ZFHX3: variants seen among roughly 807,000 people sequenced by gnomAD.
ZFHX3 encodes zinc finger homeobox protein 3.
Under a neutral mutation model 279.1 loss-of-function variants are expected in ZFHX3, and 42 were observed. The ratio of observed to expected loss-of-function variants is 0.15; its 90% CI spans 0.12 to 0.19. The LOEUF (loss-of-function observed/expected upper bound fraction) is 0.19. Ranked by LOEUF, ZFHX3 falls within the 10% of genes least tolerant of loss-of-function variation. The pLI, the probability that ZFHX3 is intolerant of heterozygous loss-of-function variation, is 1.00. For synonymous variants in ZFHX3, 2,293 were observed against 1,957.8 expected (o/e 1.17, Z -4.52); for missense variants, 4,981 against 4,754.0 (o/e 1.05, Z -1.40).
chr16:73,160,772 C>CT (rs200196890), intron 5 of ZFHX3, among the ~76,000 whole-genome samples: 6,855 of 127,938 alleles, frequency 0.054, 488 homozygotes, highest in African/African-American at 0.16. Flanking sequence ...CTTTTCTCTT[C>CT]TTTTTTTTTT....
chr16:73,073,380 C>G (rs1159877062), intron 8 of ZFHX3, among the ~76,000 whole-genome samples: 1 of 152,228 alleles, frequency 6.6e-6, no homozygotes, highest in African/African-American at 2.4e-5. Context: ...CCAGGATCAA[C>G]AGGATCTAAA....
At chr16:73,062,123 TC>T (rs1379419399), upstream of ZFHX3, 1 of 152,200 alleles carries the variant, frequency 6.6e-6, no homozygotes, top group Admixed American at 6.5e-5. Context: ...TCTAAATCTT[TC>T]ATTTAGCTGG....
Position 72,796,201 on chromosome 16 carries a change from G to A in ZFHX3, c.6481C>T (p.Arg2161Trp), listed in dbSNP as rs549883293. ...RITDDQLRVL[R>W]QYFDINNSPS... ...GAGTTGTTAATGTCAAAATATTGCCGCAAGACTCGGAGCTGATCATCTGTG... is the reference window on the plus strand; with the variant it reads ...GAGTTGTTAATGTCAAAATATTGCCACAAGACTCGGAGCTGATCATCTGTG... The change falls in exon 9 of 10, where the codon CGG becomes TGG. Residue 2161 changes from arginine to tryptophan, a missense_variant. Coordinates refer to ENST00000268489, the MANE Select transcript of ZFHX3 (RefSeq NM_006885.4). The A allele has an allele frequency of 6.2e-6, 10 of 1,613,884 alleles. No individual in the cohort carries two copies. Among genetic ancestry groups the A allele is most frequent in the African/African-American group, 1.3e-5 (1 of 74,850 alleles).
chr16:73,558,684 C>T (rs188981059), intron 2 of ZFHX3, among the ~76,000 whole-genome samples: 4 of 151,254 alleles, frequency 2.6e-5, no homozygotes, highest in African/African-American at 2.4e-5. Context: ...TCCCCCCACA[C>T]GCACATACAC....
chr16:73,884,459 A>G (rs2030281630), intron 1 of ZFHX3, among the ~76,000 whole-genome samples: 1 of 152,238 alleles, frequency 6.6e-6, no homozygotes, highest in Non-Finnish European at 1.5e-5. Context: ...AGGCCATGCC[A>G]TATGACTTGG....
At chr16:73,824,398 ATG>A (rs1447949307) in intron 1 of ZFHX3, among the ~76,000 whole-genome samples, 94 of 134,884 alleles carry the variant, frequency 7.0e-4, no homozygotes, top group African/African-American at 2.6e-3. Flanking sequence ...TTTTTTTTTA[ATG>A]TTTTTTTTTT....
intron 5 of ZFHX3, among the ~76,000 whole-genome samples, chr16:73,247,854 G>A (rs1181315571): frequency 6.6e-6 from 1 of 152,104 alleles, no homozygotes; most frequent in Non-Finnish European, 1.5e-5. Context: ...CTGTGTCTAT[G>A]TGCCTGTATG....
chr16:73,555,623 G>C (rs1302996191), intron 2 of ZFHX3, among the ~76,000 whole-genome samples: 1 of 151,814 alleles, frequency 6.6e-6, no homozygotes, highest in Non-Finnish European at 1.5e-5. Context: ...TTGAGGCCAG[G>C]AGTTCAAAAC....
chr16:72,869,378 G>A (rs906256448), intron 4 of ZFHX3, among the ~76,000 whole-genome samples: 2 of 100,808 alleles, frequency 2.0e-5, no homozygotes, highest in Non-Finnish European at 4.5e-5. Flanking sequence ...GAGAGCTAAA[G>A]GTGTTTTTTT....
chr16:73,694,988 C>T (rs150583663), intron 1 of ZFHX3, among the ~76,000 whole-genome samples: 9 of 152,344 alleles, frequency 5.9e-5, no homozygotes, highest in Middle Eastern at 3.4e-3. Flanking sequence ...TTGAGAGCCA[C>T]GGTGTGGCTA....
intron 7 of ZFHX3, among the ~76,000 whole-genome samples, chr16:73,111,521 A>C (rs1038745663): frequency 6.3e-5 from 9 of 143,530 alleles, no homozygotes; most frequent in African/African-American, 1.0e-4. Context: ...ACACTCTCCT[A>C]TGTTTCAACT....
intron 2 of ZFHX3, among the ~76,000 whole-genome samples, chr16:73,535,753 C>T (rs1471500794): frequency 6.9e-6 from 1 of 145,014 alleles, no homozygotes; most frequent in Non-Finnish European, 1.5e-5. Flanking sequence ...GAAGGAGTCT[C>T]CCTCTGTTAG....
At chr16:73,055,083 T>G (rs1052364345) in intron 1 of ZFHX3, among the ~76,000 whole-genome samples, 5 of 151,742 alleles carry the variant, frequency 3.3e-5, no homozygotes, top group African/African-American at 1.2e-4. Flanking sequence ...ATTCTTTTCC[T>G]TGTACTAACA....
At chr16:73,308,771 C>T (rs1162298388) in intron 4 of ZFHX3, among the ~76,000 whole-genome samples, 16 of 150,696 alleles carry the variant, frequency 1.1e-4, no homozygotes, top group African/African-American at 3.6e-4. Flanking sequence ...CTTTTTTTTT[C>T]CTGCAGGAAG....
At chr16:73,335,188 T>C (rs1179853952) in intron 3 of ZFHX3, among the ~76,000 whole-genome samples, 1 of 152,122 alleles carries the variant, frequency 6.6e-6, no homozygotes, top group Non-Finnish European at 1.5e-5. Context: ...GTGATAGCTA[T>C]AATAATATTT....
At chr16:73,434,556 C>G (rs1474539046) in intron 3 of ZFHX3, among the ~76,000 whole-genome samples, 2 of 152,142 alleles carry the variant, frequency 1.3e-5, no homozygotes, top group Non-Finnish European at 2.9e-5. Context: ...CCTGGCTTCT[C>G]TCCCTACCCC....
chr16:73,632,425 G>A (rs1238045575), intron 2 of ZFHX3, among the ~76,000 whole-genome samples: 1 of 152,166 alleles, frequency 6.6e-6, no homozygotes, highest in Non-Finnish European at 1.5e-5. Context: ...GCTCACGCCT[G>A]TAATCCCAGC....
intron 3 of ZFHX3, among the ~76,000 whole-genome samples, chr16:73,430,274 A>G (rs1395717673): frequency 1.3e-5 from 2 of 152,294 alleles, no homozygotes; most frequent in African/African-American, 2.4e-5. Flanking sequence ...TGCCATTTGC[A>G]TTTCAATTAA....
intron 3 of ZFHX3, among the ~76,000 whole-genome samples, chr16:72,892,257 A>G (rs1181755490): frequency 6.6e-6 from 1 of 152,236 alleles, no homozygotes; most frequent in African/African-American, 2.4e-5. Context: ...CCCACAGGAA[A>G]TCTTGCCAAC....
Sources: gnomAD v4.1 joint callset for allele counts (sites outside exome capture counted in the v4.1 genomes callset) on GRCh38, gnomAD v4.1.1 for gene constraint, MANE v1.5 for transcripts, NCBI Gene and HGNC (gene_info 2026-07-23, HGNC 2026-07-21) for gene names.